Variants in TNFRSF21 observed in about 807,000 individuals in gnomAD.
TNFRSF21 encodes the protein TNF receptor superfamily member 21.
In TNFRSF21, 19 loss-of-function variants were observed where a neutral mutation model predicts 45.6. The observed-to-expected ratio is 0.42, with a 90% CI of 0.29 to 0.61. The LOEUF (loss-of-function observed/expected upper bound fraction) is 0.61, where lower values mean the gene tolerates loss of function less well. Ranked by LOEUF, TNFRSF21 falls within the 20% of genes least tolerant of loss-of-function variation. TNFRSF21 has a pLI of 0.23. For synonymous variants in TNFRSF21, 314 were observed against 335.5 expected (o/e 0.94, Z 0.70); for missense variants, 737 against 851.5 (o/e 0.87, Z 1.67).
At chr6:47,285,495 T>C (rs555395542) in intron 2 of TNFRSF21, among the ~76,000 whole-genome samples, 1 of 152,332 alleles carries the variant, frequency 6.6e-6, no homozygotes, top group East Asian at 1.9e-4. Flanking sequence ...CTTCCGGATG[T>C]AATGGTATTT....
At chr6:47,305,652 A>G (rs1762927803) in intron 1 of TNFRSF21, among the ~76,000 whole-genome samples, 1 of 152,202 alleles carries the variant, frequency 6.6e-6, no homozygotes, top group Non-Finnish European at 1.5e-5. Flanking sequence ...CTACATGTCT[A>G]GTTTCAGTAA....
chr6:47,256,900 T>A (rs145621921), intron 3 of TNFRSF21, among the ~76,000 whole-genome samples: 2,264 of 152,282 alleles, frequency 0.015, 52 homozygotes, highest in Non-Finnish European at 0.016. Context: ...ATTGCTTAAA[T>A]CTTCATAATG....
intron 3 of TNFRSF21, among the ~76,000 whole-genome samples, chr6:47,269,258 T>A (rs1005295996): frequency 6.6e-6 from 1 of 151,166 alleles, no homozygotes; most frequent in Admixed American, 6.6e-5. Flanking sequence ...CACACACACA[T>A]ACACACATTG....
Position 47,274,062 on chromosome 6 carries a change from A to G in TNFRSF21, c.1243+9876T>C, listed in dbSNP as rs367666045. The stretch of plus-strand genomic sequence containing the variant: ...TATTGTGAAAATGGCCATACTGCCC[A>G]AAGTAATTTATAGATTCAATGCCAT... On this transcript the variant is annotated intron_variant, in intron 3 of 5. Coordinates refer to ENST00000296861, the MANE Select transcript of TNFRSF21 (RefSeq NM_014452.5). Among the ~76,000 whole-genome samples, 21 of 152,328 alleles carry G rather than the reference A, an allele frequency of 1.4e-4. 1 individual carries two copies. In the South Asian group the frequency reaches 3.1e-3, roughly 23 times the overall value.
At chr6:47,251,974 G>A (rs1007478638) in intron 4 of TNFRSF21, among the ~76,000 whole-genome samples, 23 of 152,078 alleles carry the variant, frequency 1.5e-4, no homozygotes, top group African/African-American at 5.3e-4. Flanking sequence ...TTAAAAATAT[G>A]CCAGAGCTTT....
At chr6:47,247,534 G>A (rs1488019552) in intron 4 of TNFRSF21, among the ~76,000 whole-genome samples, 1 of 152,236 alleles carries the variant, frequency 6.6e-6, no homozygotes, top group Non-Finnish European at 1.5e-5. Flanking sequence ...CGTCCTCACT[G>A]TATTAAATTT....
intron 1 of TNFRSF21, among the ~76,000 whole-genome samples, chr6:47,299,952 C>T (rs1023177476): frequency 7.2e-5 from 11 of 152,168 alleles, no homozygotes; most frequent in Non-Finnish European, 1.2e-4. Context: ...TTTGACCCAG[C>T]AATTCCACTT....
intron 3 of TNFRSF21, among the ~76,000 whole-genome samples, chr6:47,272,681 G>C (rs1762440418): frequency 6.6e-6 from 1 of 152,178 alleles, no homozygotes; most frequent in Admixed American, 6.5e-5. Flanking sequence ...AGAACTGAAA[G>C]AGATAAAGAC....
At chr6:47,248,071 A>G (rs1034305726) in intron 4 of TNFRSF21, among the ~76,000 whole-genome samples, 1 of 152,188 alleles carries the variant, frequency 6.6e-6, no homozygotes, top group Admixed American at 6.5e-5. Flanking sequence ...TAAAGTAACA[A>G]TTTATATTAT....
At chr6:47,276,376 C>A (rs73736390) in intron 3 of TNFRSF21, among the ~76,000 whole-genome samples, 2,563 of 152,222 alleles carry the variant, frequency 0.017, 64 homozygotes, top group African/African-American at 0.058. Context: ...TGTTACTTAC[C>A]CCTTCAGCAG....
intron 1 of TNFRSF21, 37 bp downstream of exon 1, chr6:47,309,379 G>C (rs772028481): frequency 7.9e-6 from 12 of 1,514,240 alleles, no homozygotes; most frequent in South Asian, 1.2e-5. Context: ...CTTCTGCTCC[G>C]GCGCCGCCGC....
chr6:47,253,126 G>C (rs993822175), intron 4 of TNFRSF21, 130 bp downstream of exon 4: 12 of 1,095,870 alleles, frequency 1.1e-5, no homozygotes, highest in Non-Finnish European at 1.4e-5. Context: ...GTGTGCAGGC[G>C]TATGCGTGTG....
In TNFRSF21 at chr6:47,253,436, C is replaced by T; in HGVS notation, c.1329G>A (p.Arg443=). The T allele has an allele frequency of 1.2e-6, 2 of 1,614,184 alleles. No individual in the cohort carries two copies. Among genetic ancestry groups the T allele is most frequent in the Non-Finnish European group, 1.7e-6 (2 of 1,180,042 alleles). The change falls in exon 4 of 6, where the codon AGG becomes AGA. Residue 443 remains arginine, a synonymous_variant. Transcript: ENST00000296861. The part of the protein sequence containing the change: ...IYQFLCNASE[R]EVAAFSNGYT... ...ACCCATTGGAGAAAGCAGCAACCTC[C>T]CTCTCACTGGCATTGCAAAGAAACT... is the stretch of plus-strand genomic sequence containing the variant.
At chr6:47,304,235 C>A (rs1197368147) in intron 1 of TNFRSF21, among the ~76,000 whole-genome samples, 2 of 151,658 alleles carry the variant, frequency 1.3e-5, no homozygotes, top group African/African-American at 4.9e-5. Flanking sequence ...TTCATACCAG[C>A]CCCTGAATAG....
chr6:47,284,025 T>C lies in TNFRSF21; in HGVS notation c.1156A>G (p.Ser386Gly). The C allele has an allele frequency of 6.2e-7, 1 of 1,614,226 alleles. No homozygotes were observed. The highest frequency in any genetic ancestry group is 1.1e-5 in the South Asian group (1 of 91,078). ...AGCCCTGCCTTTTCCACAATGGCAC[T>C]GGGATCCTGCCGGGGCCCCTTTTTC... ...TLKKGPRQDP[S>G]AIVEKAGLKK... is the part of the protein sequence containing the mutation. The change falls in exon 3 of 6, where the codon AGT (serine) becomes GGT (glycine). Residue 386 changes from serine to glycine, a missense_variant. Coordinates refer to ENST00000296861, the MANE Select transcript of TNFRSF21 (RefSeq NM_014452.5).
intron 1 of TNFRSF21, among the ~76,000 whole-genome samples, chr6:47,306,652 T>C (rs1047181234): frequency 2.6e-5 from 4 of 152,232 alleles, no homozygotes; most frequent in Non-Finnish European, 4.4e-5. Flanking sequence ...TATCATATTG[T>C]GTACCTATAT....
At position 47,232,482 on chromosome 6, in the gene TNFRSF21, C is replaced by T. The variant is rs940670870; in HGVS notation, c.*283G>A. 1 of 339,742 alleles carries T rather than the reference C, an allele frequency of 2.9e-6. No individual in the cohort carries two copies. The highest frequency in any genetic ancestry group is 5.3e-6 in the Non-Finnish European group (1 of 188,128). The allele number at this position is 339,742 out of a possible 1,614,324, so 21.0% of individuals were successfully genotyped here. A position where few individuals can be genotyped will look rare whatever the true frequency, so the allele number is the denominator to read the frequency against. ...AAGGCAAAATGGAGAAAATATGGAA[C>T]TTAAAAAACTTTAGTGGTGGGTATT... On this transcript the variant is annotated 3_prime_UTR_variant, in exon 6 of 6. Coordinates refer to ENST00000296861, the MANE Select transcript of TNFRSF21 (RefSeq NM_014452.5).
chr6:47,265,419 A>G (rs1762318194), intron 3 of TNFRSF21, among the ~76,000 whole-genome samples: 1 of 152,112 alleles, frequency 6.6e-6, no homozygotes. Flanking sequence ...TCAACCACAA[A>G]AGGTTAGACC....
Position 47,284,416 on chromosome 6 carries a change from T to C in TNFRSF21, c.765A>G (p.Glu255=). ...GTCTAACAGAGGCAGAAGAGTTGGATTCTGTTGAGTTCATGCCTAGAAAAA... is the reference window on the plus strand; with the variant it reads ...GTCTAACAGAGGCAGAAGAGTTGGACTCTGTTGAGTTCATGCCTAGAAAAA... ...TYVPKGMNST[E]SNSSASVRPK... is the part of the protein sequence containing the mutation. The change falls in exon 3 of 6, where the codon GAA becomes GAG. Residue 255 remains glutamate (E), a synonymous_variant. Transcript: ENST00000296861. 2 of 1,517,858 alleles carry C rather than the reference T, an allele frequency of 1.3e-6. No homozygotes were observed. Among genetic ancestry groups the C allele is most frequent in the Admixed American group, 2.3e-5 (1 of 44,104 alleles). 94.0% of individuals were successfully genotyped at this position (1,517,858 alleles called of 1,614,324 possible). A position where few individuals can be genotyped will look rare whatever the true frequency, so the allele number is the denominator to read the frequency against.
Sources: allele counts gnomAD v4.1 joint callset (sites outside exome capture counted in the v4.1 genomes callset), GRCh38; gene constraint gnomAD v4.1.1; transcripts MANE v1.5; gene names NCBI Gene and HGNC (gene_info 2026-07-23, HGNC 2026-07-21).